RGS7BP: variants seen among roughly 807,000 people sequenced by gnomAD.
RGS7BP encodes the protein regulator of G protein signaling 7 binding protein, also known as regulator of G protein signaling 7-binding protein.
RGS7BP carries 9 observed loss-of-function variants against 31.3 expected under a neutral mutation model. The ratio of observed to expected loss-of-function variants is 0.29; its 90% CI spans 0.17 to 0.50. The LOEUF is 0.50. Among genes scored for constraint, RGS7BP ranks in the 20% least tolerant of loss-of-function variants. The probability of loss-of-function intolerance (pLI) is 0.98; values close to 1 mark genes in which losing one functional copy is unlikely to be tolerated. For missense variants in RGS7BP, 274 were observed against 322.0 expected (o/e 0.85, Z 1.14); for synonymous variants, 115 against 120.1 (o/e 0.96, Z 0.28).
chr5:64,517,754 G>A (rs961965788), intron 2 of RGS7BP, among the ~76,000 whole-genome samples: 15 of 152,120 alleles, frequency 9.9e-5, no homozygotes, highest in African/African-American at 3.1e-4. Context: ...AGAAACCACT[G>A]GGAAGGCAGG....
chr5:64,599,333 C>T (rs1365105058), intron 5 of RGS7BP, among the ~76,000 whole-genome samples: 1 of 152,186 alleles, frequency 6.6e-6, no homozygotes, highest in South Asian at 2.1e-4. Context: ...GAAAGAAACT[C>T]TTCTTGTTTT....
At chr5:64,593,502 G>A (rs140514402) in intron 3 of RGS7BP, among the ~76,000 whole-genome samples, 6 of 152,246 alleles carry the variant, frequency 3.9e-5, no homozygotes, top group African/African-American at 1.4e-4. Context: ...AGTGATATGG[G>A]CTGTAACAAT....
chr5:64,556,018 T>C (rs774524318), intron 2 of RGS7BP, among the ~76,000 whole-genome samples: 6 of 152,118 alleles, frequency 3.9e-5, no homozygotes, highest in Non-Finnish European at 8.8e-5. Context: ...CTCTAGAGAA[T>C]AGGTGTAGAA....
intron 2 of RGS7BP, among the ~76,000 whole-genome samples, chr5:64,509,385 A>G (rs1748773157): frequency 6.6e-6 from 1 of 152,174 alleles, no homozygotes; most frequent in South Asian, 2.1e-4. Context: ...CTGAGTTGGA[A>G]CTCAAAATGA....
intron 5 of RGS7BP, among the ~76,000 whole-genome samples, chr5:64,607,902 C>T (rs1264491108): frequency 6.6e-6 from 1 of 152,022 alleles, no homozygotes; most frequent in East Asian, 1.9e-4. Flanking sequence ...TGGTTTACAG[C>T]ATCTAGGCTC....
In RGS7BP at chr5:64,506,779, A is replaced by T. The variant is rs1287721986; in HGVS notation, c.155A>T (p.Asp52Val). The T allele has an allele frequency of 6.4e-7, 1 of 1,563,716 alleles. No individual in the cohort carries two copies. Among genetic ancestry groups the T allele is most frequent in the Non-Finnish European group, 8.7e-7 (1 of 1,150,870 alleles). ...CACAAAACCCAACGAGCCCTGGACG[A>T]CTGCAAGATGGTGGGTGAAAACTGC... ...SAHKTQRALD[D>V]CKMLVQEFNT... is the part of the protein sequence containing the mutation. The change falls in exon 1 of 6, where the codon GAC becomes GTC. Residue 52 changes from aspartate (D) to valine (V), a missense_variant. Asp to Val is a radical substitution (Grantham distance 152). Coordinates refer to ENST00000334025, the MANE Select transcript of RGS7BP (RefSeq NM_001029875.3). The surrounding 1 kb of genome is among the most constrained non-coding windows in gnomAD (Gnocchi z 4.6).
rs556422141 is a variant in RGS7BP at position 64,509,036 on chromosome 5, C to T, written c.332+1159C>T. On this transcript the variant is annotated intron_variant, in intron 2 of 5. Coordinates refer to ENST00000334025, the MANE Select transcript of RGS7BP (RefSeq NM_001029875.3). ...GAGGGATAAACAAAATATGTTATAA[C>T]CATATTTTATTTAGTAAAAATATTG... Among the ~76,000 whole-genome samples the T allele has an allele frequency of 4.6e-5, 7 of 152,170 alleles. No individual in the cohort carries two copies. The East Asian group carries it at 1.2e-3, about 25-fold the overall frequency.
At chr5:64,527,898 G>T (rs1425389173) in intron 2 of RGS7BP, among the ~76,000 whole-genome samples, 3 of 152,008 alleles carry the variant, frequency 2.0e-5, no homozygotes, top group African/African-American at 7.2e-5. Flanking sequence ...TTACATGTCT[G>T]TTTTCTAAAT....
chr5:64,557,353 T>C (rs960657463), intron 2 of RGS7BP, among the ~76,000 whole-genome samples: 5 of 152,148 alleles, frequency 3.3e-5, no homozygotes, highest in African/African-American at 2.4e-5. Context: ...TATTACTCTT[T>C]CATTTTCTGC....
chr5:64,522,605 T>C (rs1056464693), intron 2 of RGS7BP, among the ~76,000 whole-genome samples: 1 of 152,232 alleles, frequency 6.6e-6, no homozygotes, highest in Non-Finnish European at 1.5e-5. Context: ...GACCATAGCA[T>C]GCACCATAAT....
chr5:64,548,983 C>A (rs1254957734), intron 2 of RGS7BP, among the ~76,000 whole-genome samples: 1 of 151,988 alleles, frequency 6.6e-6, no homozygotes, highest in African/African-American at 2.4e-5. Flanking sequence ...ACACACATTC[C>A]ATTTTTGGCC....
At chr5:64,580,248 A>G (rs539931062) in intron 3 of RGS7BP, among the ~76,000 whole-genome samples, 2 of 152,308 alleles carry the variant, frequency 1.3e-5, no homozygotes, top group African/African-American at 4.8e-5. Flanking sequence ...AAAAGTAGAC[A>G]GAGAGGAGTC....
intron 2 of RGS7BP, among the ~76,000 whole-genome samples, chr5:64,569,189 CAT>C (rs1267545730): frequency 6.6e-6 from 1 of 152,098 alleles, no homozygotes; most frequent in Non-Finnish European, 1.5e-5. Flanking sequence ...CAGAGCCAGC[CAT>C]ATGTTCCCAT....
chr5:64,604,250 C>G (rs1258825227), intron 5 of RGS7BP, among the ~76,000 whole-genome samples: 1 of 152,110 alleles, frequency 6.6e-6, no homozygotes, highest in Non-Finnish European at 1.5e-5. Flanking sequence ...TCTCATTCCT[C>G]GTGGCCCAGC....
intron 2 of RGS7BP, among the ~76,000 whole-genome samples, chr5:64,537,983 TTCA>T (rs1365369873): frequency 6.6e-6 from 1 of 152,178 alleles, no homozygotes; most frequent in Non-Finnish European, 1.5e-5. Context: ...GAACTAATGT[TTCA>T]TCCAAGTAAA....
chr5:64,598,194 G>T (rs1203945762), intron 4 of RGS7BP, among the ~76,000 whole-genome samples, 171 bp from the exon 5 acceptor site: 1 of 152,160 alleles, frequency 6.6e-6, no homozygotes, highest in Non-Finnish European at 1.5e-5. Flanking sequence ...ACCCATCTCA[G>T]ATTTTTTTTC....
intron 2 of RGS7BP, among the ~76,000 whole-genome samples, chr5:64,547,383 G>T (rs116291196): frequency 2.0e-5 from 3 of 152,118 alleles, no homozygotes; most frequent in Non-Finnish European, 2.9e-5. Flanking sequence ...ACCAAAGCTT[G>T]GTGTTGTCTG....
intron 2 of RGS7BP, among the ~76,000 whole-genome samples, chr5:64,544,546 T>C (rs1233566991): frequency 1.3e-5 from 2 of 150,186 alleles, no homozygotes; most frequent in African/African-American, 4.9e-5. Context: ...TAGTGGTGCA[T>C]GCCTATAGTC....
At chr5:64,539,560 A>G (rs1015544911) in intron 2 of RGS7BP, 1 of 152,190 alleles carries the variant, frequency 6.6e-6, no homozygotes, top group Admixed American at 6.5e-5. Flanking sequence ...TGAGGCAGAA[A>G]GCTTGCTTAA....
Sources: gnomAD v4.1 joint callset for allele counts (sites outside exome capture counted in the v4.1 genomes callset) on GRCh38, gnomAD v4.1.1 for gene constraint, Gnocchi (gnomAD v3.1) non-coding constraint, MANE v1.5 for transcripts, NCBI Gene and HGNC (gene_info 2026-07-23, HGNC 2026-07-21) for gene names.